Variants in CHEK1 observed in about 807,000 individuals in gnomAD.
CHEK1 encodes serine/threonine-protein kinase Chk1.
In CHEK1, 32 loss-of-function variants were observed where a neutral mutation model predicts 60.2. That is an observed-to-expected ratio of 0.53 (90% confidence interval 0.40 to 0.71). The LOEUF (loss-of-function observed/expected upper bound fraction) is 0.71. Among genes scored for constraint, CHEK1 ranks in the 30% least tolerant of loss-of-function variants. CHEK1 has a pLI of 0.00. For synonymous variants in CHEK1, 179 were observed against 187.2 expected, an observed-to-expected ratio of 0.96 and a Z score of 0.36; for missense variants, 399 against 564.6, an observed-to-expected ratio of 0.71 and a Z score of 2.97.
chr11:125,650,921 G>T lies in CHEK1; in HGVS notation c.1234-2825G>T, dbSNP rs1591417677. 2.6e-5 allele frequency among the ~76,000 whole-genome samples: 4 copies of T among 152,120 alleles called. No individual in the cohort carries two copies. In the East Asian group the frequency reaches 7.7e-4, roughly 29 times the overall value. On this transcript the variant is annotated intron_variant, in intron 11 of 12. Transcript: ENST00000438015. Reference sequence around the variant, plus strand: ...GGGCACACCTGCAATACTCAACCAAGAAGTTTACAACGTTGCTTCAGCCTT... The same window carrying T: ...GGGCACACCTGCAATACTCAACCAATAAGTTTACAACGTTGCTTCAGCCTT...
Position 125,642,328 on chromosome 11 carries a change from C to T in CHEK1, c.815-1464C>T, listed in dbSNP as rs554802743. Among the ~76,000 whole-genome samples, 5 of 152,274 alleles carry T rather than the reference C, an allele frequency of 3.3e-5. No homozygotes were observed. The South Asian group carries it at 1.0e-3, about 32-fold the overall frequency. On this transcript the variant is annotated intron_variant, in intron 8 of 12. Coordinates refer to ENST00000438015, the MANE Select transcript of CHEK1 (RefSeq NM_001114122.3). ...CTTCATTTTATTTTCCTTCAGTGTA[C>T]TTACCACCATTTAGCTTACTGATTT...
intron 13 of CHEK1, among the ~76,000 whole-genome samples, chr11:125,669,562 C>T (rs1223639949): frequency 7.3e-5 from 9 of 123,870 alleles, no homozygotes; most frequent in Non-Finnish European, 1.3e-4. Context: ...CTCGCTCTGT[C>T]GCCCAGGCTG....
chr11:125,660,838 C>G (rs1036850694), downstream of CHEK1, among the ~76,000 whole-genome samples: 1 of 151,820 alleles, frequency 6.6e-6, no homozygotes, highest in Admixed American at 6.6e-5. Flanking sequence ...TGAAATGGCG[C>G]GATCTTGGCT....
chr11:125,680,467 T>C (rs912266176), downstream of CHEK1, among the ~76,000 whole-genome samples: 1 of 152,196 alleles, frequency 6.6e-6, no homozygotes, highest in African/African-American at 2.4e-5. Flanking sequence ...TTTCATCTCA[T>C]GCAGCATCAG....
chr11:125,648,024 T>A (rs1381600658), intron 11 of CHEK1, among the ~76,000 whole-genome samples: 1 of 152,112 alleles, frequency 6.6e-6, no homozygotes, highest in East Asian at 1.9e-4. Context: ...CCCATTTTTT[T>A]AGGGTCTTTA....
At chr11:125,662,632 T>C (rs1198180344) in intron 13 of CHEK1, among the ~76,000 whole-genome samples, 1 of 152,256 alleles carries the variant, frequency 6.6e-6, no homozygotes, top group Middle Eastern at 3.2e-3. Flanking sequence ...CATTCACCTG[T>C]TGAAGGACAT....
chr11:125,672,914 C>T (rs1477548608), intron 13 of CHEK1, among the ~76,000 whole-genome samples: 2 of 152,064 alleles, frequency 1.3e-5, no homozygotes, highest in Admixed American at 6.6e-5. Flanking sequence ...ATTGTCAGTC[C>T]GTTTCTATGG....
At chr11:125,679,859 C>G (rs969910615), downstream of CHEK1, among the ~76,000 whole-genome samples, 6 of 152,138 alleles carry the variant, frequency 3.9e-5, no homozygotes, top group East Asian at 1.2e-3. Flanking sequence ...TTTAGTAAAG[C>G]TTTTAGGAGG....
At position 125,626,239 on chromosome 11, in the gene CHEK1, A is replaced by G. The variant is rs554906747; in HGVS notation, c.-21+227A>G. ...AACCCGCTGCTAGCTAAGAACCCCA[A>G]GGAAGAGTCCCAGCCCTTCCTTTCG... On this transcript the variant is annotated intron_variant, in intron 1 of 12. Transcript: ENST00000438015. 5 of 576,790 alleles carry G rather than the reference A, an allele frequency of 8.7e-6. No homozygotes were observed. In the Admixed American group the frequency reaches 9.0e-5, roughly 10 times the overall value. 35.7% of individuals were successfully genotyped at this position (576,790 alleles called of 1,614,324 possible).
At chr11:125,681,060 C>CT (rs1942770780), downstream of CHEK1, 3 of 115,736 alleles carry the variant, frequency 2.6e-5, no homozygotes, top group African/African-American at 5.2e-5. The surrounding 1 kb of genome is among the most constrained non-coding windows in gnomAD (Gnocchi z 4.2). Context: ...TCTGCCCTAT[C>CT]TTTAAAAAAA....
intron 13 of CHEK1, chr11:125,672,407 G>A: frequency 1.5e-6 from 1 of 664,898 alleles, no homozygotes; most frequent in Non-Finnish European, 2.5e-6. Flanking sequence ...AGGGAAGACA[G>A]GACAGAGAAG....
intron 12 of CHEK1, among the ~76,000 whole-genome samples, chr11:125,654,496 A>T (rs1331862727): frequency 6.6e-6 from 1 of 152,146 alleles, no homozygotes; most frequent in Non-Finnish European, 1.5e-5. Context: ...CAAATATTTC[A>T]TTATAATTTA....
Position 125,625,964 on chromosome 11 carries a change from G to A in CHEK1, c.-69G>A. 1 of 702,640 alleles carries A rather than the reference G, an allele frequency of 1.4e-6. No individual in the cohort carries two copies. The highest frequency in any genetic ancestry group is 2.6e-6 in the Non-Finnish European group (1 of 385,004). 43.5% of individuals were successfully genotyped at this position (702,640 alleles called of 1,614,324 possible). A position where few individuals can be genotyped will look rare whatever the true frequency, so the allele number is the denominator to read the frequency against. On this transcript the variant is annotated 5_prime_UTR_variant, in exon 1 of 13. Transcript: ENST00000438015. ...GCGTGACGCCCTCAAGTTTTGGCGG[G>A]AAAAGCGCTGCATTTGGATTCCTGC...
At chr11:125,664,617 G>A (rs1942068706) in intron 13 of CHEK1, among the ~76,000 whole-genome samples, 1 of 152,014 alleles carries the variant, frequency 6.6e-6, no homozygotes, top group African/African-American at 2.4e-5. Flanking sequence ...TTTAAAATCA[G>A]ATTTCTTTTG....
chr11:125,625,664 G>A lies in CHEK1; in HGVS notation c.-369G>A. 1.7e-6 allele frequency: 1 copy of A among 604,706 alleles called. No individual in the cohort carries two copies. The highest frequency in any genetic ancestry group is 1.9e-5 in the South Asian group (1 of 52,528). The allele number at this position is 604,706 out of a possible 1,614,324, so 37.5% of individuals were successfully genotyped here. On this transcript the variant is annotated 5_prime_UTR_variant, in exon 1 of 13. Coordinates refer to ENST00000438015, the MANE Select transcript of CHEK1 (RefSeq NM_001114122.3). ...GTCGGTCGCGCGCCCCTGAGGCTTG[G>A]AGGCCTGGGCTTCCCCCAGCAGCGC...
chr11:125,678,972 G>T (rs1942651398), downstream of CHEK1, among the ~76,000 whole-genome samples: 2 of 29,768 alleles, frequency 6.7e-5, no homozygotes, highest in Non-Finnish European at 7.0e-5. Context: ...AAAAAGTCTA[G>T]GCATATTATA....
chr11:125,680,837 T>A (rs1942766389), downstream of CHEK1: 1 of 1,447,864 alleles, frequency 6.9e-7, no homozygotes, highest in Admixed American at 1.8e-5. Flanking sequence ...CACAGAGCTA[T>A]GAAGCAAACT....
intron 7 of CHEK1, among the ~76,000 whole-genome samples, chr11:125,636,302 G>C (rs1411207032): frequency 6.6e-6 from 1 of 152,058 alleles, no homozygotes; most frequent in Non-Finnish European, 1.5e-5. Flanking sequence ...CTACATCGTT[G>C]GTTTAAAGGC....
rs3731431 is a variant in CHEK1 at position 125,639,425 on chromosome 11, G to C, written c.814+1881G>C. Among the ~76,000 whole-genome samples, 45 of 137,096 alleles carry C rather than the reference G, an allele frequency of 3.3e-4. No individual in the cohort carries two copies. In the South Asian group the frequency reaches 0.01, roughly 32 times the overall value. 89.9% of individuals were successfully genotyped at this position (137,096 alleles called of 152,430 possible). A position where few individuals can be genotyped will look rare whatever the true frequency, so the allele number is the denominator to read the frequency against. ...TTTGAGACAGGGTCTAGGCTGGAGT[G>C]CAGTGGCGCCATCTCCACTCACTTC... On this transcript the variant is annotated intron_variant, in intron 8 of 12. Coordinates refer to ENST00000438015, the MANE Select transcript of CHEK1 (RefSeq NM_001114122.3).
Sources: allele counts gnomAD v4.1 joint callset (sites outside exome capture counted in the v4.1 genomes callset), GRCh38; gene constraint gnomAD v4.1.1; non-coding constraint Gnocchi (gnomAD v3.1); transcripts MANE v1.5; gene names NCBI Gene and HGNC (gene_info 2026-07-23, HGNC 2026-07-21).